KLF7: variants seen among roughly 807,000 people sequenced by gnomAD.
The protein encoded by KLF7 is KLF transcription factor 7.
KLF7 carries 2 observed loss-of-function variants against 27.3 expected under a neutral mutation model. That is an observed-to-expected ratio of 0.07 (90% CI 0.03 to 0.23). KLF7 has a LOEUF of 0.23. Among genes scored for constraint, KLF7 ranks in the 10% least tolerant of loss-of-function variants. The probability of loss-of-function intolerance (pLI) is 1.00; values close to 1 mark genes in which losing one functional copy is unlikely to be tolerated. For missense variants in KLF7, 221 were observed against 394.1 expected, an observed-to-expected ratio of 0.56 and a Z score of 3.72; for synonymous variants, 165 against 162.4, an observed-to-expected ratio of 1.02 and a Z score of -0.12.
chr2:207,151,154 G>A (rs2078234800), intron 1 of KLF7, among the ~76,000 whole-genome samples: 1 of 152,076 alleles, frequency 6.6e-6, no homozygotes, highest in Non-Finnish European at 1.5e-5. Flanking sequence ...AAACAGCAAT[G>A]GGAATAAAAC....
intron 1 of KLF7, among the ~76,000 whole-genome samples, chr2:207,143,698 T>C (rs572052051): frequency 6.6e-6 from 1 of 152,222 alleles, no homozygotes; most frequent in Non-Finnish European, 1.5e-5. Context: ...CTACTGCTTC[T>C]GTGGCTACTA....
In KLF7 at chr2:207,111,398, G is replaced by C. The variant is rs186711715; in HGVS notation, c.733+12376C>G. ...GGTGTCCAGCTACAGGCTGAGAGGG[G>C]CTGAATCTGGCTCTGCTCCTCAAGC... is the stretch of plus-strand genomic sequence containing the variant. On this transcript the variant is annotated intron_variant, in intron 2 of 3. Coordinates refer to ENST00000309446, the MANE Select transcript of KLF7 (RefSeq NM_003709.4). Among the ~76,000 whole-genome samples, 248 of 152,350 alleles carry C rather than the reference G, an allele frequency of 1.6e-3. 2 individuals carry two copies. In the South Asian group the frequency reaches 0.019, roughly 12 times the overall value.
chr2:207,103,679 C>A (rs1445718084), intron 2 of KLF7, among the ~76,000 whole-genome samples: 1 of 152,162 alleles, frequency 6.6e-6, no homozygotes, highest in Non-Finnish European at 1.5e-5. Flanking sequence ...GTGCTCTAGT[C>A]CTAGCTGTTA....
At chr2:207,157,219 T>TAAAAAAAAAAAAAAAAAAAAAAA in intron 1 of KLF7, among the ~76,000 whole-genome samples, 1 of 87,314 alleles carries the variant, frequency 1.1e-5, no homozygotes, top group Non-Finnish European at 2.3e-5. Flanking sequence ...AACAGAAAAG[T>TAAAAAAAAAAAAAAAAAAAAAAA]AAAAAAAAAA....
the KLF7 span, among the ~76,000 whole-genome samples, chr2:207,172,833 G>A: frequency 6.6e-6 from 1 of 152,024 alleles, no homozygotes; most frequent in Admixed American, 6.5e-5. Flanking sequence ...TAACACTTTT[G>A]GCACGATTTG....
chr2:207,122,921 A>T (rs1234452081), intron 2 of KLF7, among the ~76,000 whole-genome samples: 2 of 151,836 alleles, frequency 1.3e-5, no homozygotes, highest in Non-Finnish European at 2.9e-5. Flanking sequence ...GTAGCCCAGG[A>T]AGAGACACCA....
intron 1 of KLF7, among the ~76,000 whole-genome samples, chr2:207,156,250 G>A (rs573998350): frequency 3.9e-5 from 6 of 152,180 alleles, no homozygotes; most frequent in Non-Finnish European, 5.9e-5. Flanking sequence ...ATCACCACAC[G>A]CCCACAGTCA....
Position 207,081,059 on chromosome 2 carries a change from ATATGTGTGTG to A in KLF7, c.*144_*153del. The A allele has an allele frequency of 2.2e-6, 1 of 455,078 alleles. No homozygotes were observed. The highest frequency in any genetic ancestry group is 3.0e-5 in the South Asian group (1 of 32,828). The allele number at this position is 455,078 out of a possible 1,614,324, so 28.2% of individuals were successfully genotyped here. A position where few individuals can be genotyped will look rare whatever the true frequency, so the allele number is the denominator to read the frequency against. ...TGTGTGTGGGTCTGTGAGTGTGTGT[ATATGTGTGTG>A]TGTGTGTGTGTGTGTACAGAGGTTT... On this transcript the variant is annotated 3_prime_UTR_variant, in exon 4 of 4. Transcript: ENST00000309446.
chr2:207,167,193 C>T, upstream of KLF7: 2 of 1,387,904 alleles, frequency 1.4e-6, no homozygotes, highest in Non-Finnish European at 1.9e-6. Context: ...AGGAGGAACT[C>T]GATTTCTCGT....
At chr2:207,167,972 G>C (rs1351339146), upstream of KLF7, among the ~76,000 whole-genome samples, 3 of 152,316 alleles carry the variant, frequency 2.0e-5, no homozygotes, top group East Asian at 5.8e-4. Context: ...CTTGGAGATA[G>C]AGGAAAGGTA....
intron 1 of KLF7, among the ~76,000 whole-genome samples, chr2:207,160,452 G>A (rs1013557110): frequency 6.6e-6 from 1 of 152,144 alleles, no homozygotes; most frequent in Non-Finnish European, 1.5e-5. Context: ...CAGTCGTGGG[G>A]TCCAGCAAAG....
chr2:207,120,235 A>T (rs2077300998), intron 2 of KLF7, among the ~76,000 whole-genome samples: 1 of 152,194 alleles, frequency 6.6e-6, no homozygotes. Context: ...ATTTTGAAGG[A>T]TTCAGCATCC....
intron 2 of KLF7, among the ~76,000 whole-genome samples, chr2:207,123,240 A>G (rs2077387355): frequency 6.6e-6 from 1 of 152,174 alleles, no homozygotes; most frequent in African/African-American, 2.4e-5. Context: ...GCCAGAGAAC[A>G]ATGCAAAAGA....
At chr2:207,090,765 T>C (rs2076492483) in intron 2 of KLF7, among the ~76,000 whole-genome samples, 1 of 151,942 alleles carries the variant, frequency 6.6e-6, no homozygotes, top group African/African-American at 2.4e-5. Flanking sequence ...TCTGAATGAG[T>C]AGGACACACA....
intron 1 of KLF7, among the ~76,000 whole-genome samples, chr2:207,146,895 C>T (rs369387565): frequency 2.4e-4 from 37 of 152,240 alleles, no homozygotes; most frequent in African/African-American, 8.7e-4. Flanking sequence ...AGGTAGGGCA[C>T]GGACATTCCT....
At chr2:207,095,855 GATT>G (rs1027926878) in intron 2 of KLF7, among the ~76,000 whole-genome samples, 1 of 152,062 alleles carries the variant, frequency 6.6e-6, no homozygotes, top group Non-Finnish European at 1.5e-5. Flanking sequence ...ATGTTGAAAT[GATT>G]ATATTTTAGA....
intron 1 of KLF7, among the ~76,000 whole-genome samples, chr2:207,134,517 T>C (rs1307216893): frequency 6.6e-6 from 1 of 152,166 alleles, no homozygotes; most frequent in Non-Finnish European, 1.5e-5. Context: ...ATGTTTCTTC[T>C]ACTCAGAATG....
At chr2:207,134,158 T>TTTC (rs1326599981) in intron 1 of KLF7, 21 of 1,457,462 alleles carry the variant, frequency 1.4e-5, no homozygotes, top group Non-Finnish European at 1.9e-5. Flanking sequence ...ACTGGGATTT[T>TTTC]TTTTTTTTTT....
intron 1 of KLF7, among the ~76,000 whole-genome samples, chr2:207,135,092 G>A (rs2077748203): frequency 1.3e-5 from 2 of 152,176 alleles, no homozygotes; most frequent in African/African-American, 2.4e-5. Context: ...GTTTAAGTAA[G>A]CAGGGGACTC....
Sources: gnomAD v4.1 joint callset for allele counts (sites outside exome capture counted in the v4.1 genomes callset) on GRCh38, gnomAD v4.1.1 for gene constraint, MANE v1.5 for transcripts, NCBI Gene and HGNC (gene_info 2026-07-23, HGNC 2026-07-21) for gene names.